Variants in AGPAT5 observed in about 807,000 individuals in gnomAD.
AGPAT5 encodes 1-acylglycerol-3-phosphate O-acyltransferase 5.
AGPAT5 carries 46 observed loss-of-function variants against 45.6 expected under a neutral mutation model. The observed-to-expected ratio is 1.01, with a 90% CI of 0.80 to 1.29. The LOEUF is 1.29. Among genes scored for constraint, AGPAT5 ranks in the 50% most tolerant of loss-of-function variants. AGPAT5 has a pLI of 0.00. For synonymous variants in AGPAT5, 272 were observed against 167.0 expected, an observed-to-expected ratio of 1.63 and a Z score of -4.85; for missense variants, 673 against 450.7, an observed-to-expected ratio of 1.49 and a Z score of -4.47.
Position 6,732,641 on chromosome 8 carries a change from A to G in AGPAT5, c.486A>G (p.Ala162=). The change falls in exon 4 of 8, where the codon GCA becomes GCG. Residue 162 remains alanine (A), a synonymous_variant. Transcript: ENST00000285518. ...MRNKLQSYVD[A]GTPMYLVIFP... ...ACAAGTTGCAGAGCTACGTGGACGC[A>G]GGAACTCCAGTAAGAGCCTACCCGT... is the stretch of plus-strand genomic sequence containing the variant. The G allele has an allele frequency of 1.2e-6, 2 of 1,606,630 alleles. No homozygotes were observed. The highest frequency in any genetic ancestry group is 1.7e-5 in the Admixed American group (1 of 57,850).
At chr8:6,717,941 C>T (rs1410145161) in intron 1 of AGPAT5, among the ~76,000 whole-genome samples, 2 of 152,182 alleles carry the variant, frequency 1.3e-5, no homozygotes, top group African/African-American at 4.8e-5. Flanking sequence ...TGGGATCTTG[C>T]AGTGAGAAAC....
At chr8:6,751,509 T>C (rs1017613270) in intron 6 of AGPAT5, among the ~76,000 whole-genome samples, 3 of 152,216 alleles carry the variant, frequency 2.0e-5, no homozygotes, top group South Asian at 4.1e-4. Flanking sequence ...ACAGGAATTC[T>C]TGTAGTCACC....
chr8:6,711,566 G>T (rs964933350), intron 1 of AGPAT5, among the ~76,000 whole-genome samples: 1 of 152,186 alleles, frequency 6.6e-6, no homozygotes, highest in Non-Finnish European at 1.5e-5. Context: ...TCTCTACTGT[G>T]TTGAGAGGCA....
At chr8:6,711,673 G>T (rs1157532844) in intron 1 of AGPAT5, among the ~76,000 whole-genome samples, 1 of 152,132 alleles carries the variant, frequency 6.6e-6, no homozygotes, top group Non-Finnish European at 1.5e-5. Context: ...TCGTGATTCT[G>T]GAGGCCAGCA....
chr8:6,726,775 C>T (rs561998817), intron 2 of AGPAT5, among the ~76,000 whole-genome samples: 8 of 152,134 alleles, frequency 5.3e-5, no homozygotes, highest in Non-Finnish European at 7.4e-5. Context: ...ACCCTACCTC[C>T]GAGTGCCTGT....
chr8:6,723,292 C>T (rs1461520563), intron 1 of AGPAT5, among the ~76,000 whole-genome samples: 1 of 152,144 alleles, frequency 6.6e-6, no homozygotes, highest in Non-Finnish European at 1.5e-5. Flanking sequence ...ATTAGGTGTG[C>T]AGTGTGTTCT....
intron 4 of AGPAT5, among the ~76,000 whole-genome samples, chr8:6,739,328 G>A (rs1337779584): frequency 6.6e-6 from 1 of 152,090 alleles, no homozygotes; most frequent in Non-Finnish European, 1.5e-5. Flanking sequence ...TCTACCCAAA[G>A]TTTGTGGGCT....
chr8:6,728,704 T>A (rs1251653490), intron 2 of AGPAT5, among the ~76,000 whole-genome samples: 1 of 152,232 alleles, frequency 6.6e-6, no homozygotes. Context: ...TTCCAAGATG[T>A]GCTGTAGCCT....
Position 6,708,756 on chromosome 8 carries a change from T to C in AGPAT5, c.88T>C (p.Leu30=). ...VLLGTAPTYV[L]AWGVWRLLSA... is the part of the protein sequence containing the mutation. Reference sequence around the variant, plus strand: ...CCTGGGCACGGCGCCCACCTACGTGTTGGCCTGGGGGGTCTGGCGGCTGCT... The same window carrying C: ...CCTGGGCACGGCGCCCACCTACGTGCTGGCCTGGGGGGTCTGGCGGCTGCT... The change falls in exon 1 of 8, where the codon TTG becomes CTG. Residue 30 remains leucine, a synonymous_variant. Transcript: ENST00000285518. 6.2e-7 allele frequency: 1 copy of C among 1,608,686 alleles called. No individual in the cohort carries two copies. The highest frequency in any genetic ancestry group is 8.5e-7 in the Non-Finnish European group (1 of 1,179,660).
At chr8:6,734,605 A>G (rs1037101788) in intron 4 of AGPAT5, among the ~76,000 whole-genome samples, 6 of 152,146 alleles carry the variant, frequency 3.9e-5, no homozygotes, top group Admixed American at 6.5e-5. Context: ...TGAGTCTGCA[A>G]ATTTTGATTA....
At chr8:6,754,836 A>G (rs1801777662) in intron 6 of AGPAT5, among the ~76,000 whole-genome samples, 1 of 152,222 alleles carries the variant, frequency 6.6e-6, no homozygotes, top group Admixed American at 6.5e-5. Context: ...TAGTTGACTT[A>G]GAAATTATAA....
intron 6 of AGPAT5, among the ~76,000 whole-genome samples, chr8:6,752,246 A>G (rs1185937800): frequency 6.6e-6 from 1 of 152,100 alleles, no homozygotes; most frequent in South Asian, 2.1e-4. Flanking sequence ...CCACAAGTTC[A>G]CCTGTCCAGC....
intron 1 of AGPAT5, among the ~76,000 whole-genome samples, chr8:6,722,782 A>G (rs1311212728): frequency 6.6e-6 from 1 of 152,246 alleles, no homozygotes. Context: ...ATAGTTATTC[A>G]GAAATCATTT....
In AGPAT5 at chr8:6,760,910, T is replaced by C. The variant is rs1429530443; in HGVS notation, c.*3522T>C. Among the ~76,000 whole-genome samples the C allele has an allele frequency of 2.0e-5, 3 of 152,196 alleles. No individual in the cohort carries two copies. The highest frequency in any genetic ancestry group is 7.2e-5 in the African/African-American group (3 of 41,448). On this transcript the variant is annotated 3_prime_UTR_variant, in exon 8 of 8. Coordinates refer to ENST00000285518, the MANE Select transcript of AGPAT5 (RefSeq NM_018361.5). ...TAACTGAATTTAAAACCTTCAACTATTATGAAGTGCTCGTCTGTACAATCG... is the reference window on the plus strand; with the variant it reads ...TAACTGAATTTAAAACCTTCAACTACTATGAAGTGCTCGTCTGTACAATCG...
intron 2 of AGPAT5, among the ~76,000 whole-genome samples, chr8:6,727,469 C>T (rs1800727042): frequency 6.6e-6 from 1 of 152,044 alleles, no homozygotes; most frequent in South Asian, 2.1e-4. Flanking sequence ...GCAACCTTTG[C>T]CTCCCGGGTT....
chr8:6,741,415 G>C (rs914512825), intron 4 of AGPAT5, among the ~76,000 whole-genome samples: 2 of 152,078 alleles, frequency 1.3e-5, no homozygotes, highest in Non-Finnish European at 1.5e-5. Context: ...AATGTTTTTA[G>C]ATTCTTCATG....
At chr8:6,723,180 A>C (rs1300954687) in intron 1 of AGPAT5, among the ~76,000 whole-genome samples, 3 of 152,242 alleles carry the variant, frequency 2.0e-5, no homozygotes, top group Non-Finnish European at 1.5e-5. Context: ...TAAATAATTC[A>C]GTAAACATCT....
At chr8:6,723,868 A>G (rs1001873168) in intron 1 of AGPAT5, among the ~76,000 whole-genome samples, 2 of 152,222 alleles carry the variant, frequency 1.3e-5, no homozygotes, top group Non-Finnish European at 2.9e-5. Flanking sequence ...ATATTAATAA[A>G]TAGTGTCATG....
chr8:6,755,078 T>G lies in AGPAT5; in HGVS notation c.773T>G (p.Ile258Ser), dbSNP rs1449965581. 6.3e-7 allele frequency: 1 copy of G among 1,596,342 alleles called. No homozygotes were observed. The highest frequency in any genetic ancestry group is 8.5e-7 in the Non-Finnish European group (1 of 1,174,878). The change falls in exon 7 of 8, where the codon ATT (isoleucine) becomes AGT (serine). Residue 258 changes from isoleucine to serine, a missense_variant. By Grantham distance (142) the Ile-to-Ser change is moderately radical (BLOSUM62 -2). Coordinates refer to ENST00000285518, the MANE Select transcript of AGPAT5 (RefSeq NM_018361.5). ...TTTCTCTGCAAAGAATGTCCAAAAATTCATATTCACATTGATCGTATCGAC... is the reference window on the plus strand; with the variant it reads ...TTTCTCTGCAAAGAATGTCCAAAAAGTCATATTCACATTGATCGTATCGAC... The part of the protein sequence containing the change: ...TEFLCKECPK[I>S]HIHIDRIDKK...
Sources: allele counts gnomAD v4.1 joint callset (sites outside exome capture counted in the v4.1 genomes callset), GRCh38; gene constraint gnomAD v4.1.1; transcripts MANE v1.5; gene names NCBI Gene and HGNC (gene_info 2026-07-23, HGNC 2026-07-21).